Variants in BCL9 observed in about 807,000 individuals in gnomAD.
BCL9 encodes BCL9 transcription coactivator.
In BCL9, 25 loss-of-function variants were observed where a neutral mutation model predicts 88.5. The observed-to-expected ratio is 0.28, with a 90% CI of 0.21 to 0.39. BCL9 has a LOEUF of 0.39. Ranked by LOEUF, BCL9 falls within the 10% of genes least tolerant of loss-of-function variation. The pLI, the probability that BCL9 is intolerant of heterozygous loss-of-function variation, is 1.00. For synonymous variants in BCL9, 711 were observed against 673.3 expected, an observed-to-expected ratio of 1.06 and a Z score of -0.87; for missense variants, 1,817 against 1,877.8, an observed-to-expected ratio of 0.97 and a Z score of 0.60.
chr1:147,566,681 G>T (rs1655612688), intron 1 of BCL9, among the ~76,000 whole-genome samples: 1 of 152,152 alleles, frequency 6.6e-6, no homozygotes, highest in Admixed American at 6.5e-5. Context: ...GCGTGAACCC[G>T]GGAGGCGGAG....
chr1:147,547,881 A>G (rs1221780446), intron 1 of BCL9, among the ~76,000 whole-genome samples: 2 of 152,238 alleles, frequency 1.3e-5, no homozygotes, highest in African/African-American at 4.8e-5. Flanking sequence ...AGAAAAGCAT[A>G]TTCTACATAT....
chr1:147,555,634 G>A (rs587617578), intron 1 of BCL9, among the ~76,000 whole-genome samples: 2 of 152,154 alleles, frequency 1.3e-5, no homozygotes, highest in Non-Finnish European at 2.9e-5. Context: ...CTTTGGAGTC[G>A]AAGGCTTCCT....
At chr1:147,600,221 A>G in intron 1 of BCL9, 2 of 161,128 alleles carry the variant, frequency 1.2e-5, no homozygotes, top group Non-Finnish European at 1.3e-5. Flanking sequence ...CGCCGGGGGG[A>G]GACGCTGCGC....
At chr1:147,582,729 C>A (rs957507852) in intron 1 of BCL9, among the ~76,000 whole-genome samples, 1 of 152,206 alleles carries the variant, frequency 6.6e-6, no homozygotes. Context: ...AAACTATGCT[C>A]ATTCATTTAC....
intron 1 of BCL9, among the ~76,000 whole-genome samples, chr1:147,565,286 C>G (rs1655550958): frequency 6.6e-6 from 1 of 152,182 alleles, no homozygotes. Context: ...ATCACTCGCT[C>G]AAGCCCATGC....
chr1:147,574,376 T>C (rs1029345116), intron 1 of BCL9, among the ~76,000 whole-genome samples: 2 of 152,196 alleles, frequency 1.3e-5, no homozygotes, highest in African/African-American at 4.8e-5. Context: ...TTTCACCGTA[T>C]AGGAGAATCT....
chr1:147,582,062 T>A (rs950247985), intron 1 of BCL9, among the ~76,000 whole-genome samples: 28 of 152,088 alleles, frequency 1.8e-4, no homozygotes, highest in Admixed American at 1.8e-3. Context: ...TTTTCTTCCA[T>A]CCTTTCTCTA....
Position 147,620,727 on chromosome 1 carries a change from C to T in BCL9, c.2572C>T (p.Pro858Ser), listed in dbSNP as rs782495043. ...ISVAGSQVHS[P>S]GINPLKSPTM... ...TGTGGCAGGCAGCCAGGTGCATTCCCCAGGCATTAACCCTCTGAAGTCTCC... is the reference window on the plus strand; with the variant it reads ...TGTGGCAGGCAGCCAGGTGCATTCCTCAGGCATTAACCCTCTGAAGTCTCC... Residue 858 changes from proline (P) to serine (S), a missense_variant, in exon 8 of 10, where the codon CCA (proline) becomes TCA (serine). By Grantham distance (74) the Pro-to-Ser change is moderately conservative (BLOSUM62 -1). Coordinates refer to ENST00000234739, the MANE Select transcript of BCL9 (RefSeq NM_004326.4). The T allele has an allele frequency of 6.2e-7, 1 of 1,614,142 alleles. No individual in the cohort carries two copies. Among genetic ancestry groups the T allele is most frequent in the Non-Finnish European group, 8.5e-7 (1 of 1,180,032 alleles).
intron 1 of BCL9, among the ~76,000 whole-genome samples, chr1:147,561,137 C>G (rs782318396): frequency 7.2e-5 from 11 of 152,214 alleles, no homozygotes; most frequent in Non-Finnish European, 4.4e-5. Flanking sequence ...ACACTTTAGT[C>G]TTTCTGGAAT....
intron 1 of BCL9, among the ~76,000 whole-genome samples, chr1:147,599,809 G>A (rs1657259648): frequency 6.6e-6 from 1 of 151,640 alleles, no homozygotes; most frequent in Non-Finnish European, 1.5e-5. Context: ...GCTGCCTGGT[G>A]GGCAGGGCCC....
Position 147,625,939 on chromosome 1 carries a change from TAA to T in BCL9, c.*981_*982del, listed in dbSNP as rs1557868101. 1 of 232,730 alleles carries T rather than the reference TAA, an allele frequency of 4.3e-6. No individual in the cohort carries two copies. Among genetic ancestry groups the T allele is most frequent in the African/African-American group, 2.2e-5 (1 of 45,286 alleles). The allele number at this position is 232,730 out of a possible 1,614,324, so 14.4% of individuals were successfully genotyped here. On this transcript the variant is annotated 3_prime_UTR_variant, in exon 10 of 10. Coordinates refer to ENST00000234739, the MANE Select transcript of BCL9 (RefSeq NM_004326.4). ...GATGCTCTCTGGTCTTTTTTCCCCC[TAA>T]GTCTTTCTCTTTCCCATCATACCCT...
chr1:147,611,320 C>G (rs1657990148), intron 3 of BCL9, among the ~76,000 whole-genome samples: 1 of 152,194 alleles, frequency 6.6e-6, no homozygotes, highest in Non-Finnish European at 1.5e-5. Context: ...CCTTTTTCAC[C>G]TGCTCACCCT....
At chr1:147,547,036 AGGAT>A (rs1654638169) in intron 1 of BCL9, among the ~76,000 whole-genome samples, 1 of 151,700 alleles carries the variant, frequency 6.6e-6, no homozygotes, top group African/African-American at 2.4e-5. Flanking sequence ...TGTTGTTTTG[AGGAT>A]GCAAAGAAAC....
intron 5 of BCL9, 32 bp downstream of exon 5, chr1:147,613,231 G>A (rs1658103078): frequency 6.2e-7 from 1 of 1,611,264 alleles, no homozygotes; most frequent in Non-Finnish European, 8.5e-7. Flanking sequence ...GACTCAGAGG[G>A]AAGTAGGTGT....
chr1:147,543,161 G>C (rs1425860530), intron 1 of BCL9, among the ~76,000 whole-genome samples: 3 of 152,078 alleles, frequency 2.0e-5, no homozygotes, highest in Non-Finnish European at 4.4e-5. Context: ...TTATTTTCTT[G>C]AATTGTGGAT....
Position 147,613,175 on chromosome 1 carries a change from C to T in BCL9, c.346C>T (p.Pro116Ser). The stretch of plus-strand genomic sequence containing the variant: ...CTTTGATCAGAGAGATCCTGGGACT[C>T]CAAACGATGACTCTGACATTAAAGG... ...DSFDQRDPGT[P>S]NDDSDIKECN... Residue 116 changes from proline to serine, a missense_variant, in exon 5 of 10, where the codon CCA becomes TCA. Physicochemically the swap from Pro to Ser is moderately conservative, Grantham distance 74 (BLOSUM62 -1). Around this residue, in one of 2 missense-constraint regions of BCL9, gnomAD observed 1,228 missense variants for 1,191.6 expected, o/e 1.03. Coordinates refer to ENST00000234739, the MANE Select transcript of BCL9 (RefSeq NM_004326.4). 3 of 1,614,174 alleles carry T rather than the reference C, an allele frequency of 1.9e-6. No homozygotes were observed. Among genetic ancestry groups the T allele is most frequent in the African/African-American group, 1.3e-5 (1 of 75,042 alleles).
chr1:147,617,670 G>A (rs1570911988), intron 7 of BCL9, among the ~76,000 whole-genome samples: 2 of 152,296 alleles, frequency 1.3e-5, no homozygotes, highest in Non-Finnish European at 2.9e-5. Flanking sequence ...AGAGATACAC[G>A]TAATTATTTG....
At chr1:147,550,215 G>A (rs1232504935) in intron 1 of BCL9, among the ~76,000 whole-genome samples, 1 of 152,180 alleles carries the variant, frequency 6.6e-6, no homozygotes, top group Non-Finnish European at 1.5e-5. Flanking sequence ...GTGGTAAAGG[G>A]AGATGGGTAG....
At chr1:147,580,353 A>G (rs1269840177) in intron 1 of BCL9, among the ~76,000 whole-genome samples, 2 of 152,194 alleles carry the variant, frequency 1.3e-5, no homozygotes, top group Non-Finnish European at 2.9e-5. Context: ...ATTTATAACT[A>G]AAAGGGAGGA....
Sources: allele counts gnomAD v4.1 joint callset (sites outside exome capture counted in the v4.1 genomes callset), GRCh38; gene constraint gnomAD v4.1.1; regional missense constraint gnomAD v4.1.1; transcripts MANE v1.5; gene names NCBI Gene and HGNC (gene_info 2026-07-23, HGNC 2026-07-21).